GBP7: variants seen among roughly 807,000 people sequenced by gnomAD.
GBP7 encodes the protein guanylate binding protein 7, also known as guanylate-binding protein 7.
In GBP7, 43 loss-of-function variants were observed where a neutral mutation model predicts 61.3. The observed-to-expected ratio is 0.70, with a 90% CI of 0.55 to 0.91. GBP7 has a LOEUF of 0.91. GBP7 is among the 40% of genes least tolerant of loss of function. The pLI is 0.00. For synonymous variants in GBP7, 267 were observed against 271.0 expected (o/e 0.99, Z 0.14); for missense variants, 717 against 740.5 (o/e 0.97, Z 0.37).
In GBP7 at chr1:89,152,793, A is replaced by G. The variant is rs1438297144; in HGVS notation, c.319-16T>C. 6.5e-7 allele frequency: 1 copy of G among 1,549,626 alleles called. No individual in the cohort carries two copies. Among genetic ancestry groups the G allele is most frequent in the Non-Finnish European group, 8.7e-7 (1 of 1,145,060 alleles). On this transcript the variant is annotated splice_polypyrimidine_tract_variant and intron_variant, in intron 3 of 10. Transcript: ENST00000294671. ...TAGGGTCACTCTAGTGTTAAAGAAA[A>G]AAAAAAAAAAAATGGAAGCCACAGT...
At chr1:89,166,704 G>A (rs988891754) in intron 2 of GBP7, among the ~76,000 whole-genome samples, 1 of 152,222 alleles carries the variant, frequency 6.6e-6, no homozygotes, top group African/African-American at 2.4e-5. Context: ...TTCCTGTGAT[G>A]GGAACTTCCA....
At chr1:89,156,673 T>C (rs148410374) in intron 3 of GBP7, among the ~76,000 whole-genome samples, 1,718 of 152,298 alleles carry the variant, frequency 0.011, 29 homozygotes, top group African/African-American at 0.039. Context: ...TAAATATATA[T>C]GCACCCAATA....
intron 7 of GBP7, among the ~76,000 whole-genome samples, chr1:89,148,755 A>C (rs1682124116): frequency 6.6e-6 from 1 of 152,210 alleles, no homozygotes; most frequent in Non-Finnish European, 1.5e-5. Context: ...TGCCCTAAAA[A>C]GAACTTCTGA....
chr1:89,148,352 T>C (rs560966140), intron 7 of GBP7, among the ~76,000 whole-genome samples: 7 of 152,362 alleles, frequency 4.6e-5, no homozygotes, highest in African/African-American at 1.4e-4. Flanking sequence ...ACAGTGCCAA[T>C]GGCAGATTTA....
chr1:89,132,457 G>A (rs1173334599), intron 10 of GBP7, 54 bp from the exon 11 acceptor site: 9 of 1,350,364 alleles, frequency 6.7e-6, no homozygotes, highest in Non-Finnish European at 9.1e-6. Context: ...AAGAGACCGA[G>A]GTTTGTATTT....
intron 5 of GBP7, 99 bp from the exon 6 acceptor site, chr1:89,150,674 T>C: frequency 8.2e-7 from 1 of 1,216,942 alleles, no homozygotes; most frequent in Non-Finnish European, 1.2e-6. Flanking sequence ...CTACAGTCTC[T>C]TGTGTCTGTG....
rs1403622927 is a variant in GBP7 at position 89,141,556 on chromosome 1, C to G, written c.1458G>C (p.Lys486Asn). ...QSDKALTAGEKAIAAKQAKKE... is the reference protein window; with the variant it reads ...QSDKALTAGENAIAAKQAKKE... ...GCCCTGCCCCTGTACCTGCTATGGC[C>G]TTCTCTCCAGCAGTGAGGGCTTTGT... Residue 486 changes from lysine to asparagine, a missense_variant, in exon 9 of 11, where the codon AAG becomes AAC. By Grantham distance (94) the Lys-to-Asn change is moderately conservative. Coordinates refer to ENST00000294671, the MANE Select transcript of GBP7 (RefSeq NM_207398.3). 1 of 1,613,662 alleles carries G rather than the reference C, an allele frequency of 6.2e-7. No individual in the cohort carries two copies. Among genetic ancestry groups the G allele is most frequent in the Admixed American group, 1.7e-5 (1 of 59,986 alleles).
chr1:89,140,261 A>T (rs1290462201), intron 9 of GBP7, among the ~76,000 whole-genome samples: 2 of 132,366 alleles, frequency 1.5e-5, no homozygotes, highest in African/African-American at 2.9e-5. Flanking sequence ...GGACACAGGA[A>T]CAGGAACATC....
intron 2 of GBP7, 63 bp downstream of exon 2, chr1:89,171,683 A>T (rs1428440528): frequency 6.9e-7 from 1 of 1,442,028 alleles, no homozygotes; most frequent in East Asian, 2.3e-5. Context: ...CCATCTTCAT[A>T]CTAGATACTG....
At chr1:89,147,472 G>T (rs999286251) in intron 8 of GBP7, 95 bp downstream of exon 8, 5 of 928,584 alleles carry the variant, frequency 5.4e-6, no homozygotes, top group Middle Eastern at 2.3e-4. Flanking sequence ...AATTTTTGTC[G>T]ATAAATGGTG....
intron 3 of GBP7, among the ~76,000 whole-genome samples, chr1:89,153,660 T>C (rs1024951018): frequency 1.3e-5 from 2 of 152,124 alleles, no homozygotes; most frequent in African/African-American, 2.4e-5. Flanking sequence ...GCAGATAGCA[T>C]TGTCAACATA....
intron 9 of GBP7, among the ~76,000 whole-genome samples, chr1:89,135,453 G>C (rs1171843866): frequency 6.6e-6 from 1 of 152,090 alleles, no homozygotes; most frequent in East Asian, 1.9e-4. Flanking sequence ...TTGAGAAAAG[G>C]GGCAGGTCTT....
chr1:89,142,899 T>C lies in GBP7; in HGVS notation c.1366-1251A>G, dbSNP rs146444500. ...TGTGATTGTAGCTTATTCACTTTCA[T>C]TGTGATATAGTACGCCATTATGTGA... On this transcript the variant is annotated intron_variant, in intron 8 of 10. Coordinates refer to ENST00000294671, the MANE Select transcript of GBP7 (RefSeq NM_207398.3). 1.4e-3 allele frequency among the ~76,000 whole-genome samples: 215 copies of C among 152,316 alleles called. 1 individual carries two copies. Among genetic ancestry groups the C allele is most frequent in the African/African-American group, 4.9e-3 (204 of 41,574 alleles).
rs746687041 is a variant in GBP7, at chr1:89,132,401, G to A, written c.1665C>T (p.Val555=). The change falls in exon 11 of 11, where the codon GTC becomes GTT. Residue 555 remains valine, a splice_region_variant and synonymous_variant. Transcript: ENST00000294671. ...LRKMLSHKMK[V]LEELLTEGFK... ...ATCCTTCAGTAAGCAGTTCTTCTAG[G>A]ACCTATAAAAGTAAAAGAGCCTACT... The A allele has an allele frequency of 1.4e-4, 229 of 1,584,294 alleles. No individual in the cohort carries two copies. Among genetic ancestry groups the A allele is most frequent in the Non-Finnish European group, 1.9e-4 (218 of 1,170,960 alleles).
intron 8 of GBP7, among the ~76,000 whole-genome samples, chr1:89,143,959 C>T (rs1395435707): frequency 1.3e-5 from 2 of 152,166 alleles, no homozygotes; most frequent in African/African-American, 4.8e-5. Context: ...GTTTGGGCTT[C>T]AGTCAAAACA....
chr1:89,155,162 C>G (rs1682286975), intron 3 of GBP7, among the ~76,000 whole-genome samples: 1 of 152,168 alleles, frequency 6.6e-6, no homozygotes, highest in Non-Finnish European at 1.5e-5. Context: ...GGAAAACTAA[C>G]AAACAGAAAG....
In GBP7 at chr1:89,175,524, G is replaced by A. The variant is rs975848156; in HGVS notation, c.-20+397C>T. Reference sequence around the variant, plus strand: ...GGTGGTGGCACAAAGATGTTATAAGGTCCTGGATTATAATAATGTGTTGCC... The same window carrying A: ...GGTGGTGGCACAAAGATGTTATAAGATCCTGGATTATAATAATGTGTTGCC... On this transcript the variant is annotated intron_variant, in intron 1 of 10. Transcript: ENST00000294671. Among the ~76,000 whole-genome samples, 4 of 152,172 alleles carry A rather than the reference G, an allele frequency of 2.6e-5. No individual in the cohort carries two copies. In the South Asian group the frequency reaches 6.2e-4, roughly 24 times the overall value.
intron 3 of GBP7, among the ~76,000 whole-genome samples, chr1:89,153,961 C>T (rs894489090): frequency 3.9e-5 from 6 of 152,114 alleles, no homozygotes; most frequent in African/African-American, 1.4e-4. Context: ...AGGGTATGAT[C>T]ATATAATGAC....
chr1:89,147,308 T>G (rs533722106), intron 8 of GBP7, among the ~76,000 whole-genome samples: 1 of 152,364 alleles, frequency 6.6e-6, no homozygotes, highest in South Asian at 2.1e-4. Context: ...GCACAAAAAC[T>G]ATCACATTAT....
Sources: gnomAD v4.1 joint callset for allele counts (sites outside exome capture counted in the v4.1 genomes callset) on GRCh38, gnomAD v4.1.1 for gene constraint, MANE v1.5 for transcripts, NCBI Gene and HGNC (gene_info 2026-07-23, HGNC 2026-07-21) for gene names.